Variants in KCND2 observed in about 807,000 individuals in gnomAD.
KCND2 encodes A-type voltage-gated potassium channel KCND2.
A neutral mutation model predicts 54.4 loss-of-function variants in KCND2; 16 were observed. The ratio of observed to expected loss-of-function variants is 0.29; its 90% CI spans 0.20 to 0.45. The LOEUF is 0.45. Among genes scored for constraint, KCND2 ranks in the 20% least tolerant of loss-of-function variants. KCND2 has a pLI of 1.00. For missense variants in KCND2, 486 were observed against 824.2 expected (o/e 0.59, Z 5.02); for synonymous variants, 317 against 310.7 (o/e 1.02, Z -0.21).
At chr7:120,276,455 C>A (rs143243213) in intron 1 of KCND2, among the ~76,000 whole-genome samples, 1 of 149,036 alleles carries the variant, frequency 6.7e-6, no homozygotes, top group African/African-American at 2.5e-5. Context: ...AGACTGTCAT[C>A]CACACATTTT....
intron 1 of KCND2, among the ~76,000 whole-genome samples, chr7:120,526,059 A>G (rs1047370081): frequency 6.6e-6 from 1 of 152,156 alleles, no homozygotes; most frequent in Admixed American, 6.5e-5. Context: ...CTTTTCCCAC[A>G]GTATAACATA....
chr7:120,365,061 C>T (rs112880702), intron 1 of KCND2, among the ~76,000 whole-genome samples: 2,562 of 151,730 alleles, frequency 0.017, 33 homozygotes, highest in Non-Finnish European at 0.027. Flanking sequence ...ACATTAATAA[C>T]AAGATGGTGA....
chr7:120,533,672 G>A (rs890791280), intron 1 of KCND2, among the ~76,000 whole-genome samples: 1 of 152,054 alleles, frequency 6.6e-6, no homozygotes, highest in African/African-American at 2.4e-5. Context: ...ATATTAGTTG[G>A]ATAATTGGAT....
intron 1 of KCND2, among the ~76,000 whole-genome samples, chr7:120,612,633 A>G (rs1196522012): frequency 6.6e-6 from 1 of 152,206 alleles, no homozygotes; most frequent in East Asian, 1.9e-4. Context: ...CTAAGATCCA[A>G]ATACCCATAA....
intron 1 of KCND2, among the ~76,000 whole-genome samples, chr7:120,639,324 A>T (rs545145373): frequency 6.6e-6 from 1 of 152,202 alleles, no homozygotes. Flanking sequence ...ACTTCTTTCA[A>T]TATGATACAT....
chr7:120,504,641 G>A (rs1045879132), intron 1 of KCND2, among the ~76,000 whole-genome samples: 1 of 151,642 alleles, frequency 6.6e-6, no homozygotes, highest in Non-Finnish European at 1.5e-5. Flanking sequence ...AAGACCATGT[G>A]GTACAATTGT....
chr7:120,643,029 A>G (rs1394526322), intron 1 of KCND2, among the ~76,000 whole-genome samples: 1 of 152,234 alleles, frequency 6.6e-6, no homozygotes, highest in Non-Finnish European at 1.5e-5. Flanking sequence ...TGTCACAAAC[A>G]TCCTTCCAGA....
At chr7:120,324,038 T>A (rs1799934101) in intron 1 of KCND2, among the ~76,000 whole-genome samples, 1 of 149,842 alleles carries the variant, frequency 6.7e-6, no homozygotes, top group Non-Finnish European at 1.5e-5. Flanking sequence ...TTTGCATTTC[T>A]CTGATGGCCA....
intron 1 of KCND2, among the ~76,000 whole-genome samples, chr7:120,371,106 A>T (rs907655707): frequency 6.6e-6 from 1 of 152,028 alleles, no homozygotes; most frequent in Non-Finnish European, 1.5e-5. Flanking sequence ...GAGAGAGAAC[A>T]TGCCACACCG....
At chr7:120,658,637 C>A (rs926449268) in intron 1 of KCND2, among the ~76,000 whole-genome samples, 1 of 152,088 alleles carries the variant, frequency 6.6e-6, no homozygotes, top group Non-Finnish European at 1.5e-5. Context: ...TCATAGACAC[C>A]AACATTCAAA....
intron 1 of KCND2, among the ~76,000 whole-genome samples, chr7:120,457,028 G>A (rs966782631): frequency 6.6e-6 from 1 of 152,162 alleles, no homozygotes; most frequent in African/African-American, 2.4e-5. Context: ...CCAAAACTTG[G>A]GGCTTGCACC....
intron 1 of KCND2, among the ~76,000 whole-genome samples, chr7:120,323,607 G>A (rs1326212789): frequency 6.7e-6 from 1 of 148,914 alleles, no homozygotes; most frequent in Non-Finnish European, 1.5e-5. Flanking sequence ...TTTCATCCAT[G>A]TCCCTACAAA....
intron 1 of KCND2, among the ~76,000 whole-genome samples, chr7:120,625,571 C>T (rs1486002071): frequency 6.6e-6 from 1 of 152,050 alleles, no homozygotes; most frequent in Non-Finnish European, 1.5e-5. Flanking sequence ...GTCCTAAGGT[C>T]CATTAACTCA....
At chr7:120,459,743 T>C (rs1802255784) in intron 1 of KCND2, among the ~76,000 whole-genome samples, 1 of 152,204 alleles carries the variant, frequency 6.6e-6, no homozygotes, top group Non-Finnish European at 1.5e-5. Flanking sequence ...AAATTCTCCT[T>C]TCGGCTTTAC....
chr7:120,475,487 C>T (rs1177714296), intron 1 of KCND2, among the ~76,000 whole-genome samples: 1 of 152,144 alleles, frequency 6.6e-6, no homozygotes, highest in African/African-American at 2.4e-5. Flanking sequence ...AACATCAAGG[C>T]ATTTTTTTTA....
At chr7:120,696,961 T>C (rs1792340130) in intron 1 of KCND2, among the ~76,000 whole-genome samples, 1 of 152,230 alleles carries the variant, frequency 6.6e-6, no homozygotes, top group Admixed American at 6.5e-5. Flanking sequence ...AATTAAATAT[T>C]TTAAAACTTA....
chr7:120,552,692 G>A (rs560025593), intron 1 of KCND2, among the ~76,000 whole-genome samples: 15 of 152,270 alleles, frequency 9.9e-5, no homozygotes, highest in African/African-American at 3.4e-4. Flanking sequence ...TCTGAGTGTA[G>A]GGAGGTTACC....
intron 1 of KCND2, among the ~76,000 whole-genome samples, chr7:120,371,245 G>A (rs554870159): frequency 9.9e-4 from 151 of 152,104 alleles, no homozygotes; most frequent in African/African-American, 3.4e-3. Flanking sequence ...CCACAGACAG[G>A]CCCCACAGAG....
intron 1 of KCND2, among the ~76,000 whole-genome samples, chr7:120,452,986 GTGCTCCTCAAGAGTCC>G (rs913943078): frequency 2.0e-5 from 3 of 152,102 alleles, no homozygotes; most frequent in African/African-American, 7.2e-5. Flanking sequence ...CTCAAACGGG[GTGCTCCTCAAGAGTCC>G]TCATCGTAGC....
Sources: gnomAD v4.1 joint callset for allele counts (sites outside exome capture counted in the v4.1 genomes callset) on GRCh38, gnomAD v4.1.1 for gene constraint, MANE v1.5 for transcripts, NCBI Gene and HGNC (gene_info 2026-07-23, HGNC 2026-07-21) for gene names.